Variants in SLC43A2 observed in about 807,000 individuals in gnomAD.
SLC43A2 encodes solute carrier family 43 member 2.
In SLC43A2, 38 loss-of-function variants were observed where a neutral mutation model predicts 63.2. The ratio of observed to expected loss-of-function variants is 0.60; its 90% CI spans 0.46 to 0.79. The LOEUF is 0.79. Ranked by LOEUF, SLC43A2 falls within the 30% of genes least tolerant of loss-of-function variation. The pLI is 0.00. For missense variants in SLC43A2, 644 were observed against 756.2 expected (o/e 0.85, Z 1.74); for synonymous variants, 322 against 331.0 (o/e 0.97, Z 0.30).
rs61569184 is a variant in SLC43A2 at position 1,593,405 on chromosome 17, A to G, written c.502-126T>C. 0.099 allele frequency: 80,385 copies of G among 811,406 alleles called. 5,246 individuals carry two copies. Among genetic ancestry groups the G allele is most frequent in the African/African-American group, 0.23 (13,818 of 59,136 alleles). The allele number at this position is 811,406 out of a possible 1,614,324, so 50.3% of individuals were successfully genotyped here. A position where few individuals can be genotyped will look rare whatever the true frequency, so the allele number is the denominator to read the frequency against. On this transcript the variant is annotated intron_variant, in intron 5 of 13. Coordinates refer to ENST00000301335, the MANE Select transcript of SLC43A2 (RefSeq NM_152346.3). The surrounding 1 kb of genome is among the most constrained non-coding windows in gnomAD (Gnocchi z 5.3). ...CTGCGCCCCTTCCTGTGTGACTCAC[A>G]GGGGCATTAGTTCAGGGGCAATGAC...
chr17:1,616,541 C>T, intron 3 of SLC43A2, 21 bp downstream of exon 3: 1 of 1,595,276 alleles, frequency 6.3e-7, no homozygotes, highest in Non-Finnish European at 8.5e-7. Flanking sequence ...ACTCCCTGCC[C>T]CCTAAGGGAC....
intron 5 of SLC43A2, chr17:1,604,861 C>T (rs538424364): frequency 2.6e-6 from 4 of 1,535,542 alleles, no homozygotes; most frequent in Non-Finnish European, 3.5e-6. Context: ...CACATTCCCC[C>T]TCTCGCTCAC....
rs769313641 is a variant in SLC43A2, at chr17:1,578,338, G to T, written c.1351-15C>A. On this transcript the variant is annotated splice_polypyrimidine_tract_variant and intron_variant, in intron 11 of 13. Transcript: ENST00000301335. The surrounding 1 kb of genome is among the most constrained non-coding windows in gnomAD (Gnocchi z 6.5). Reference sequence around the variant, plus strand: ...AAGGAGAGGATCTGGGGGAGGAAAAGGCGACTGTGGGCATAAGGCCTTAAG... The same window carrying T: ...AAGGAGAGGATCTGGGGGAGGAAAATGCGACTGTGGGCATAAGGCCTTAAG... 1.6e-5 allele frequency: 26 copies of T among 1,613,296 alleles called. No homozygotes were observed. Among genetic ancestry groups the T allele is most frequent in the Non-Finnish European group, 2.2e-5 (26 of 1,179,702 alleles).
At chr17:1,622,329 C>T (rs1908225901) in intron 2 of SLC43A2, among the ~76,000 whole-genome samples, 1 of 151,858 alleles carries the variant, frequency 6.6e-6, no homozygotes, top group African/African-American at 2.4e-5. Context: ...TGTGGGAGGC[C>T]GAGGCGGGTG....
At chr17:1,628,539 G>A (rs551971638) in intron 1 of SLC43A2, among the ~76,000 whole-genome samples, 94 of 152,234 alleles carry the variant, frequency 6.2e-4, no homozygotes, top group Non-Finnish European at 2.9e-4. Flanking sequence ...ACGAGGAGCC[G>A]GTTCAAACCG....
rs1275383944 is a variant in SLC43A2, at chr17:1,577,013, C to T, written c.1425-293G>A. ...CCTAGTAGCTGGGATTACAGGCGCCCGCCACCACATCTGGCTAATTTTTTG... is the reference window on the plus strand; with the variant it reads ...CCTAGTAGCTGGGATTACAGGCGCCTGCCACCACATCTGGCTAATTTTTTG... On this transcript the variant is annotated intron_variant, in intron 12 of 13. Transcript: ENST00000301335. This position sits in a 1 kb window ranked among gnomAD's most constrained non-coding sequence, Gnocchi z 4.9. 1.3e-5 allele frequency among the ~76,000 whole-genome samples: 2 copies of T among 152,002 alleles called. No homozygotes were observed. Among genetic ancestry groups the T allele is most frequent in the Admixed American group, 6.6e-5 (1 of 15,252 alleles).
intron 10 of SLC43A2, among the ~76,000 whole-genome samples, chr17:1,584,693 G>A (rs1050949104): frequency 4.6e-5 from 7 of 151,566 alleles, no homozygotes; most frequent in Non-Finnish European, 8.8e-5. Context: ...GGTGGCGGGC[G>A]CCTGTAGTCC....
At chr17:1,587,978 C>T (rs1356078255) in intron 9 of SLC43A2, among the ~76,000 whole-genome samples, 2 of 152,184 alleles carry the variant, frequency 1.3e-5, no homozygotes, top group African/African-American at 2.4e-5. Flanking sequence ...TTCTGTTTCT[C>T]AATGCCTGCT....
At position 1,605,204 on chromosome 17, in the gene SLC43A2, A is replaced by C; in HGVS notation, c.501+7991T>G. ...GGCTGTTCACTCACTGCCTCCACGC[A>C]GCCTCAGTCACACAGGGAAGCCCGT... On this transcript the variant is annotated intron_variant, in intron 5 of 13. Transcript: ENST00000301335. This position sits in a 1 kb window ranked among gnomAD's most constrained non-coding sequence, Gnocchi z 4.9. 8.8e-7 allele frequency: 1 copy of C among 1,132,086 alleles called. No individual in the cohort carries two copies. Among genetic ancestry groups the C allele is most frequent in the Non-Finnish European group, 1.1e-6 (1 of 917,040 alleles). The allele number at this position is 1,132,086 out of a possible 1,614,324, so 70.1% of individuals were successfully genotyped here.
chr17:1,605,124 C>G lies in SLC43A2; in HGVS notation c.501+8071G>C. 7.7e-7 allele frequency: 1 copy of G among 1,305,702 alleles called. No homozygotes were observed. The allele number at this position is 1,305,702 out of a possible 1,614,324, so 80.9% of individuals were successfully genotyped here. A position where few individuals can be genotyped will look rare whatever the true frequency, so the allele number is the denominator to read the frequency against. On this transcript the variant is annotated intron_variant, in intron 5 of 13. Transcript: ENST00000301335. The surrounding 1 kb of genome is among the most constrained non-coding windows in gnomAD (Gnocchi z 4.9). ...CCTCTTCCCGCCCTCAGGTGCTTCC[C>G]ACAGCCCCCTCGCCGCCTCTGCCTC...
intron 11 of SLC43A2, among the ~76,000 whole-genome samples, chr17:1,582,165 C>T (rs555295066): frequency 2.0e-5 from 3 of 151,180 alleles, no homozygotes; most frequent in Admixed American, 1.3e-4. Context: ...CTGCAACCTC[C>T]GCCTCCCAGG....
At chr17:1,579,714 G>A (rs1382332022) in intron 11 of SLC43A2, among the ~76,000 whole-genome samples, 5 of 151,830 alleles carry the variant, frequency 3.3e-5, no homozygotes, top group Non-Finnish European at 7.4e-5. Flanking sequence ...GTACGTGCCC[G>A]TAGTCCCAGC....
chr17:1,613,681 C>T (rs995376156), intron 4 of SLC43A2, among the ~76,000 whole-genome samples: 2 of 152,180 alleles, frequency 1.3e-5, no homozygotes, highest in Admixed American at 1.3e-4. Context: ...GGGTGATCTG[C>T]CGATCTCAGC....
At chr17:1,626,126 G>A (rs199756573) in intron 2 of SLC43A2, among the ~76,000 whole-genome samples, 1 of 149,640 alleles carries the variant, frequency 6.7e-6, no homozygotes, top group East Asian at 1.9e-4. Context: ...CTCTGGTCTG[G>A]GTGAGACACT....
At chr17:1,614,007 G>A (rs548849205) in intron 4 of SLC43A2, among the ~76,000 whole-genome samples, 2 of 152,162 alleles carry the variant, frequency 1.3e-5, no homozygotes, top group Non-Finnish European at 2.9e-5. Flanking sequence ...ACTTTGGGAG[G>A]CTGAGGCAGG....
rs2076047490 is a variant in SLC43A2, at chr17:1,583,203, C to T, written c.1350+1G>A. 1 of 1,614,004 alleles carries T rather than the reference C, an allele frequency of 6.2e-7. No individual in the cohort carries two copies. The highest frequency in any genetic ancestry group is 8.5e-7 in the Non-Finnish European group (1 of 1,179,900). On this transcript the variant is annotated splice_donor_variant, in intron 11 of 13. Coordinates refer to ENST00000301335, the MANE Select transcript of SLC43A2 (RefSeq NM_152346.3). LOFTEE classifies it high-confidence loss of function. This position sits in a 1 kb window ranked among gnomAD's most constrained non-coding sequence, Gnocchi z 5.5. ...CTGCCCCTCCCACTCCCCACACCCA[C>T]CTGGAGAGGCAGGTTGGGAATGAGG...
rs1014395235 is a variant in SLC43A2, at chr17:1,592,424, T to TC, written c.595-726dup. ...CCTGGGCGACAGAGCAAGACCCTGT[T>TC]CCCCCCCAAAAAAAGGAGGAGGAAG... On this transcript the variant is annotated intron_variant, in intron 6 of 13. Coordinates refer to ENST00000301335, the MANE Select transcript of SLC43A2 (RefSeq NM_152346.3). Among the ~76,000 whole-genome samples the TC allele has an allele frequency of 4.0e-4, 61 of 151,368 alleles. 1 individual carries two copies. The highest frequency in any genetic ancestry group is 9.9e-4 in the African/African-American group (41 of 41,218).
chr17:1,591,494 G>A, intron 7 of SLC43A2, 23 bp from the exon 8 acceptor site: 1 of 1,612,348 alleles, frequency 6.2e-7, no homozygotes, highest in Non-Finnish European at 8.5e-7. Context: ...GAGAGTGTCT[G>A]TGGGTGCTGC....
rs1906561558 is a variant in SLC43A2 at position 1,605,836 on chromosome 17, C to G, written c.501+7359G>C. On this transcript the variant is annotated intron_variant, in intron 5 of 13. Transcript: ENST00000301335. This position sits in a 1 kb window ranked among gnomAD's most constrained non-coding sequence, Gnocchi z 4.9. ...CTGCCCGGGACAAGGTCCTTGTGGT[C>G]ACCTTTCTGCTTCAGTGCTGAAGGG... Among the ~76,000 whole-genome samples the G allele has an allele frequency of 6.6e-6, 1 of 152,290 alleles. No individual in the cohort carries two copies. The highest frequency in any genetic ancestry group is 6.5e-5 in the Admixed American group (1 of 15,304).
Sources: gnomAD v4.1 joint callset for allele counts (sites outside exome capture counted in the v4.1 genomes callset) on GRCh38, gnomAD v4.1.1 for gene constraint, Gnocchi (gnomAD v3.1) non-coding constraint, MANE v1.5 for transcripts, NCBI Gene and HGNC (gene_info 2026-07-23, HGNC 2026-07-21) for gene names.